SLC22A24: variants seen among roughly 807,000 people sequenced by gnomAD.
SLC22A24 encodes the protein solute carrier family 22 member 24.
A neutral mutation model predicts 49.8 loss-of-function variants in SLC22A24; 53 were observed. That is an observed-to-expected ratio of 1.06 (90% confidence interval 0.85 to 1.34). The LOEUF is 1.34. Ranked by LOEUF, SLC22A24 falls within the 40% of genes most tolerant of loss-of-function variation. The pLI, the probability that SLC22A24 is intolerant of heterozygous loss-of-function variation, is 0.00. For synonymous variants in SLC22A24, 302 were observed against 256.4 expected (o/e 1.18, Z -1.70); for missense variants, 786 against 675.9 (o/e 1.16, Z -1.81).
At chr11:63,083,575 T>C in intron 6 of SLC22A24, 118 bp from the exon 7 acceptor site, 1 of 791,898 alleles carries the variant, frequency 1.3e-6, no homozygotes, top group South Asian at 1.9e-5. Flanking sequence ...AATTGGCAAA[T>C]GGTGTTTTTC....
At chr11:63,094,345 G>A (rs2087039591) in intron 6 of SLC22A24, among the ~76,000 whole-genome samples, 1 of 152,006 alleles carries the variant, frequency 6.6e-6, no homozygotes, top group Admixed American at 6.6e-5. Flanking sequence ...ATTCTATGGT[G>A]TATATGTGCC....
At chr11:63,120,309 G>C (rs1485745850) in intron 2 of SLC22A24, among the ~76,000 whole-genome samples, 3 of 112,132 alleles carry the variant, frequency 2.7e-5, no homozygotes, top group African/African-American at 1.1e-4. Flanking sequence ...GTTGTGGGGT[G>C]GGGGGAGGGG....
chr11:63,136,674 T>C (rs1484181668), intron 1 of SLC22A24, among the ~76,000 whole-genome samples: 3 of 152,228 alleles, frequency 2.0e-5, no homozygotes, highest in African/African-American at 7.2e-5. Context: ...ATGCTCTGTC[T>C]AGGCAGTGGA....
At chr11:63,091,734 A>G (rs938036411) in intron 6 of SLC22A24, among the ~76,000 whole-genome samples, 2 of 152,158 alleles carry the variant, frequency 1.3e-5, no homozygotes, top group Non-Finnish European at 2.9e-5. Flanking sequence ...CTCTCAATAA[A>G]CTAGGTATTG....
At chr11:63,107,871 A>G (rs2087132379) in intron 4 of SLC22A24, among the ~76,000 whole-genome samples, 2 of 152,128 alleles carry the variant, frequency 1.3e-5, no homozygotes, top group African/African-American at 4.8e-5. Context: ...CAATCATGTC[A>G]TCTGCAAACA....
At chr11:63,090,052 G>C (rs1335408608) in intron 6 of SLC22A24, among the ~76,000 whole-genome samples, 1 of 116,138 alleles carries the variant, frequency 8.6e-6, no homozygotes, top group Non-Finnish European at 1.6e-5. Flanking sequence ...CTGCACTCCA[G>C]CCTGGACGAC....
At position 63,143,489 on chromosome 11, in the gene SLC22A24, C is replaced by A; in HGVS notation, c.291G>T (p.Gln97His). 4.4e-6 allele frequency: 7 copies of A among 1,600,638 alleles called. No individual in the cohort carries two copies. The highest frequency in any genetic ancestry group is 6.0e-6 in the Non-Finnish European group (7 of 1,173,652). ...KCQRFIHPQWQLLHLNGTFPN... is the reference protein window; with the variant it reads ...KCQRFIHPQWHLLHLNGTFPN... ...GGAAGGTCCCGTTCAGGTGAAGGAGCTGCCACTGGGGATGGATAAAGCGCT... is the reference window on the plus strand; with the variant it reads ...GGAAGGTCCCGTTCAGGTGAAGGAGATGCCACTGGGGATGGATAAAGCGCT... The change falls in exon 1 of 10, where the codon CAG becomes CAT. Residue 97 changes from glutamine to histidine, a missense_variant. By Grantham distance (24) the Gln-to-His change is conservative. Coordinates refer to ENST00000612278, the MANE Select transcript of SLC22A24 (RefSeq NM_001136506.2).
chr11:63,110,157 T>A (rs1242102523), intron 4 of SLC22A24, among the ~76,000 whole-genome samples: 1 of 151,072 alleles, frequency 6.6e-6, no homozygotes, highest in Non-Finnish European at 1.5e-5. Flanking sequence ...CAGATAGTTG[T>A]AGATATGCGG....
intron 4 of SLC22A24, among the ~76,000 whole-genome samples, chr11:63,117,432 C>T (rs778468380): frequency 3.9e-5 from 6 of 152,152 alleles, no homozygotes; most frequent in Admixed American, 3.9e-4. Flanking sequence ...CTCAGTCAGG[C>T]AGTTTACATC....
chr11:63,118,357 CT>C (rs1472433057), intron 4 of SLC22A24, among the ~76,000 whole-genome samples: 1 of 152,064 alleles, frequency 6.6e-6, no homozygotes, highest in Non-Finnish European at 1.5e-5. Flanking sequence ...TGCTGCAAGT[CT>C]TTGGTTAATT....
chr11:63,126,181 A>G (rs960201767), intron 2 of SLC22A24, among the ~76,000 whole-genome samples: 2 of 152,088 alleles, frequency 1.3e-5, no homozygotes, highest in Non-Finnish European at 2.9e-5. Flanking sequence ...CCATTTGTCT[A>G]TTTTGGCTTT....
intron 2 of SLC22A24, among the ~76,000 whole-genome samples, chr11:63,121,843 T>C (rs964262254): frequency 6.6e-6 from 1 of 152,128 alleles, no homozygotes; most frequent in Non-Finnish European, 1.5e-5. Context: ...CCTGTGTCCA[T>C]GTGTTCTCAT....
At chr11:63,089,822 C>G (rs757156576) in intron 6 of SLC22A24, among the ~76,000 whole-genome samples, 10 of 152,092 alleles carry the variant, frequency 6.6e-5, no homozygotes, top group Admixed American at 4.6e-4. Context: ...TGGCTCACGT[C>G]TGTAATCCCA....
intron 4 of SLC22A24, chr11:63,116,481 GA>G (rs1257869588): frequency 1.3e-5 from 2 of 153,666 alleles, no homozygotes; most frequent in Admixed American, 1.3e-4. Flanking sequence ...TCTTATTGAG[GA>G]TCTCTTTTCC....
At chr11:63,112,143 C>A (rs903779621) in intron 4 of SLC22A24, among the ~76,000 whole-genome samples, 12 of 152,056 alleles carry the variant, frequency 7.9e-5, no homozygotes, top group Non-Finnish European at 1.2e-4. Context: ...GTTCATTTTC[C>A]ATGTAGTTGA....
At chr11:63,093,041 G>C (rs1402931150) in intron 6 of SLC22A24, among the ~76,000 whole-genome samples, 1 of 152,072 alleles carries the variant, frequency 6.6e-6, no homozygotes, top group Non-Finnish European at 1.5e-5. Flanking sequence ...GACATGAGCA[G>C]ACATTTCTCA....
In SLC22A24 at chr11:63,113,059, T is replaced by TATATATAC. The variant is rs1565332043; in HGVS notation, c.830+5852_830+5853insGTATATAT. On this transcript the variant is annotated intron_variant, in intron 4 of 9. Transcript: ENST00000612278. ...AAATATATATATATATATATACATA[T>TATATATAC]ATATATATACATATATATACACATA... Among the ~76,000 whole-genome samples, 18 of 2,608 alleles carry TATATATAC rather than the reference T, an allele frequency of 6.9e-3. 6 individuals carry two copies. The highest frequency in any genetic ancestry group is 7.9e-3 in the African/African-American group (18 of 2,292). 1.7% of individuals were successfully genotyped at this position (2,608 alleles called of 152,430 possible).
chr11:63,132,648 A>G (rs2134679544), intron 2 of SLC22A24, among the ~76,000 whole-genome samples: 1 of 152,248 alleles, frequency 6.6e-6, no homozygotes, highest in Middle Eastern at 3.4e-3. Context: ...AACAGCAAAT[A>G]TTGCTGCCTG....
rs981893305 is a variant in SLC22A24, at chr11:63,081,031, A to G, written c.1487T>C (p.Leu496Pro). Residue 496 changes from leucine to proline, a missense_variant, in exon 9 of 10, where the codon CTA becomes CCA. Coordinates refer to ENST00000612278, the MANE Select transcript of SLC22A24 (RefSeq NM_001136506.2). ...GAAGACTCCATAGGAAATCCAGGGT[A>G]GGTGGGGAGAATACGCCATTAAGGT... ...LMTLMAYSPH[L>P]PWISYGVFPI... is the part of the protein sequence containing the mutation. 1.3e-6 allele frequency: 2 copies of G among 1,551,706 alleles called. No individual in the cohort carries two copies. Among genetic ancestry groups the G allele is most frequent in the Non-Finnish European group, 1.7e-6 (2 of 1,146,974 alleles).
Sources: allele counts gnomAD v4.1 joint callset (sites outside exome capture counted in the v4.1 genomes callset), GRCh38; gene constraint gnomAD v4.1.1; transcripts MANE v1.5; gene names NCBI Gene and HGNC (gene_info 2026-07-23, HGNC 2026-07-21).